VPS35L: variants seen among roughly 807,000 people sequenced by gnomAD.
VPS35L encodes VPS35 endosomal protein-sorting factor-like.
A neutral mutation model predicts 133.0 loss-of-function variants in VPS35L; 83 were observed. The ratio of observed to expected loss-of-function variants is 0.62; its 90% CI spans 0.52 to 0.75. VPS35L has a LOEUF of 0.75. Ranked by LOEUF, VPS35L falls within the 30% of genes least tolerant of loss-of-function variation. The pLI, the probability that VPS35L is intolerant of heterozygous loss-of-function variation, is 0.00. For synonymous variants in VPS35L, 423 were observed against 449.9 expected (o/e 0.94, Z 0.76); for missense variants, 1,083 against 1,206.8 (o/e 0.90, Z 1.52).
intron 22 of VPS35L, among the ~76,000 whole-genome samples, chr16:19,643,596 CA>C (rs1973851328): frequency 6.6e-6 from 1 of 152,096 alleles, no homozygotes. Flanking sequence ...TCCCATTGTT[CA>C]GAACTGTCCC....
intron 14 of VPS35L, among the ~76,000 whole-genome samples, chr16:19,622,176 G>A (rs1470453441): frequency 1.6e-5 from 2 of 125,570 alleles, no homozygotes; most frequent in East Asian, 2.6e-4. Flanking sequence ...ACGGAGTCCT[G>A]CTCTGTCACC....
In VPS35L at chr16:19,633,229, A is replaced by G; in HGVS notation, c.1635+57A>G. On this transcript the variant is annotated intron_variant, in intron 19 of 30. Transcript: ENST00000417362. The surrounding 1 kb of genome is among the most constrained non-coding windows in gnomAD (Gnocchi z 4.1). ...GTTAGGAATTTTGTTCTGTTGAATT[A>G]AATAGGCGTGTTGTATGGGTCAGGC... 1 of 1,489,316 alleles carries G rather than the reference A, an allele frequency of 6.7e-7. No homozygotes were observed. The allele number at this position is 1,489,316 out of a possible 1,614,324, so 92.3% of individuals were successfully genotyped here.
At chr16:19,657,447 G>A (rs1487815553) in intron 26 of VPS35L, among the ~76,000 whole-genome samples, 1 of 152,140 alleles carries the variant, frequency 6.6e-6, no homozygotes, top group African/African-American at 2.4e-5. Flanking sequence ...TAAACAGAAA[G>A]TTAGGTCAGG....
At position 19,581,519 on chromosome 16, in the gene VPS35L, C is replaced by T; in HGVS notation, c.511-6C>T. The T allele has an allele frequency of 6.3e-7, 1 of 1,593,014 alleles. No individual in the cohort carries two copies. The highest frequency in any genetic ancestry group is 1.1e-5 in the South Asian group (1 of 88,374). Reference sequence around the variant, plus strand: ...TATGCCTTCACCTTCTGCCTTCTCCCCACAGGGTTCCCAAAAGGAGCTGTT... The same window carrying T: ...TATGCCTTCACCTTCTGCCTTCTCCTCACAGGGTTCCCAAAAGGAGCTGTT... On this transcript the variant is annotated splice_polypyrimidine_tract_variant and splice_region_variant and intron_variant, in intron 6 of 30. Transcript: ENST00000417362.
At chr16:19,563,511 A>G (rs1469039594) in intron 1 of VPS35L, among the ~76,000 whole-genome samples, 1 of 152,072 alleles carries the variant, frequency 6.6e-6, no homozygotes, top group Admixed American at 6.6e-5. Context: ...CTGTTCTTGC[A>G]CATTCTCTCT....
At chr16:19,586,090 G>C (rs1971854968) in intron 7 of VPS35L, among the ~76,000 whole-genome samples, 1 of 152,060 alleles carries the variant, frequency 6.6e-6, no homozygotes, top group African/African-American at 2.4e-5. Flanking sequence ...TAGAAACGGA[G>C]GGTTTTACTT....
intron 28 of VPS35L, among the ~76,000 whole-genome samples, chr16:19,686,008 G>C (rs1012105115): frequency 2.8e-4 from 42 of 152,290 alleles, no homozygotes; most frequent in African/African-American, 9.1e-4. Context: ...GGCAGCAGAG[G>C]GAGCGAGGCT....
intron 26 of VPS35L, among the ~76,000 whole-genome samples, chr16:19,657,273 G>T (rs183865465): frequency 6.6e-6 from 1 of 152,132 alleles, no homozygotes; most frequent in Admixed American, 6.5e-5. Flanking sequence ...AACCAAGAAT[G>T]ATTTTATTAT....
At chr16:19,681,007 T>C (rs1975257013) in intron 27 of VPS35L, among the ~76,000 whole-genome samples, 1 of 148,752 alleles carries the variant, frequency 6.7e-6, no homozygotes, top group Admixed American at 6.8e-5. Context: ...AAAGAGCTAA[T>C]GTGTAAGATG....
chr16:19,647,676 C>G lies in VPS35L; in HGVS notation c.1930-108C>G, dbSNP rs1050183210. 2.4e-5 allele frequency: 21 copies of G among 867,314 alleles called. No individual in the cohort carries two copies. The African/African-American group carries it at 3.3e-4, about 14-fold the overall frequency. 53.7% of individuals were successfully genotyped at this position (867,314 alleles called of 1,614,324 possible). On this transcript the variant is annotated intron_variant, in intron 23 of 30. Coordinates refer to ENST00000417362, the MANE Select transcript of VPS35L (RefSeq NM_020314.7). ...ACTTCTTAGGTTCTAGTCCAGTGCCCACGTCATAAAGATGAGGTGGCAATA... is the reference window on the plus strand; with the variant it reads ...ACTTCTTAGGTTCTAGTCCAGTGCCGACGTCATAAAGATGAGGTGGCAATA...
Position 19,700,568 on chromosome 16 carries a change from C to T in VPS35L, c.*92C>T. On this transcript the variant is annotated 3_prime_UTR_variant, in exon 31 of 31. Coordinates refer to ENST00000417362, the MANE Select transcript of VPS35L (RefSeq NM_020314.7). ...TGAACTCTTACGGCAATTTAGGTTT[C>T]TCATTTTTCTTTTCTTTTTACATAT... 1 of 1,083,522 alleles carries T rather than the reference C, an allele frequency of 9.2e-7. No individual in the cohort carries two copies. Among genetic ancestry groups the T allele is most frequent in the South Asian group, 1.4e-5 (1 of 72,932 alleles). 67.1% of individuals were successfully genotyped at this position (1,083,522 alleles called of 1,614,324 possible).
intron 1 of VPS35L, 105 bp from the exon 2 acceptor site, chr16:19,564,746 A>G (rs1435730131): frequency 6.4e-5 from 49 of 760,614 alleles, no homozygotes; most frequent in Non-Finnish European, 1.0e-4. Context: ...TGGTGGGAAT[A>G]TTGTGCTGTT....
intron 3 of VPS35L, among the ~76,000 whole-genome samples, chr16:19,570,834 CATATATATATATATATA>C (rs1199564689): frequency 1.8e-4 from 14 of 78,800 alleles, no homozygotes; most frequent in African/African-American, 5.1e-4. Flanking sequence ...TGCTGTGTTT[CATATATATATATATATA>C]TATATATATA....
chr16:19,649,838 A>G (rs554261527), intron 24 of VPS35L, among the ~76,000 whole-genome samples: 5 of 152,248 alleles, frequency 3.3e-5, no homozygotes, highest in Non-Finnish European at 5.9e-5. Context: ...CTATCTGGAA[A>G]TCAGGGGAGG....
intron 26 of VPS35L, among the ~76,000 whole-genome samples, chr16:19,662,015 C>A (rs1239071088): frequency 6.6e-6 from 1 of 150,792 alleles, no homozygotes; most frequent in Non-Finnish European, 1.5e-5. Context: ...ATAGTGAGAC[C>A]CAGTCTGTAC....
chr16:19,589,676 T>C (rs1971979799), intron 7 of VPS35L, among the ~76,000 whole-genome samples: 1 of 152,230 alleles, frequency 6.6e-6, no homozygotes, highest in African/African-American at 2.4e-5. Flanking sequence ...ATTTATAAGA[T>C]CATTATAGCT....
At chr16:19,641,687 T>G (rs192700246) in intron 21 of VPS35L, among the ~76,000 whole-genome samples, 124 of 152,346 alleles carry the variant, frequency 8.1e-4, no homozygotes, top group Admixed American at 2.7e-3. Context: ...GCTTGCCCTT[T>G]TATATTATTT....
intron 28 of VPS35L, 93 bp from the exon 29 acceptor site, chr16:19,691,260 C>A: frequency 1.0e-6 from 1 of 992,676 alleles, no homozygotes; most frequent in Non-Finnish European, 1.6e-6. Context: ...CTGCCATCTG[C>A]TGACTCGGTG....
At chr16:19,587,498 G>A (rs1290755071) in intron 7 of VPS35L, 3 of 278,816 alleles carry the variant, frequency 1.1e-5, no homozygotes, top group Admixed American at 5.0e-5. Context: ...GTGTGGTGGT[G>A]CATGCCTGAA....
Sources: gnomAD v4.1 joint callset for allele counts (sites outside exome capture counted in the v4.1 genomes callset) on GRCh38, gnomAD v4.1.1 for gene constraint, Gnocchi (gnomAD v3.1) non-coding constraint, MANE v1.5 for transcripts, NCBI Gene and HGNC (gene_info 2026-07-23, HGNC 2026-07-21) for gene names.